RBMS3: variants seen among roughly 807,000 people sequenced by gnomAD.
RBMS3 encodes RNA binding motif single stranded interacting protein 3, also known as RNA-binding motif, single-stranded-interacting protein 3.
RBMS3 carries 27 observed loss-of-function variants against 66.8 expected under a neutral mutation model. The ratio of observed to expected loss-of-function variants is 0.40; its 90% CI spans 0.30 to 0.56. RBMS3 has a LOEUF of 0.56. RBMS3 is among the 20% of genes least tolerant of loss of function. RBMS3 has a pLI of 0.40. For missense variants in RBMS3, 513 were observed against 549.5 expected (o/e 0.93, Z 0.66); for synonymous variants, 188 against 183.0 (o/e 1.03, Z -0.22).
intron 2 of RBMS3, among the ~76,000 whole-genome samples, chr3:29,446,741 A>G (rs1163689398): frequency 2.0e-5 from 3 of 152,170 alleles, no homozygotes; most frequent in Admixed American, 6.5e-5. Flanking sequence ...CATGGTAATC[A>G]TAGTCAACAT....
At chr3:29,293,271 G>A (rs1177007635) in intron 1 of RBMS3, among the ~76,000 whole-genome samples, 2 of 146,040 alleles carry the variant, frequency 1.4e-5, no homozygotes, top group Non-Finnish European at 3.0e-5. Flanking sequence ...CAATGTTGTT[G>A]TTGTTCTGTG....
Position 29,464,815 on chromosome 3 carries a change from G to A in RBMS3, c.249-23626G>A, listed in dbSNP as rs142822039. 2.5e-3 allele frequency among the ~76,000 whole-genome samples: 387 copies of A among 152,262 alleles called. 1 individual carries two copies. Among genetic ancestry groups the A allele is most frequent in the Non-Finnish European group, 4.1e-3 (279 of 68,018 alleles). On this transcript the variant is annotated intron_variant, in intron 2 of 14. Coordinates refer to ENST00000383767, the MANE Select transcript of RBMS3 (RefSeq NM_001003793.3). ...CTTATTCCTAGCTTCCAGCATAGATGTATCCATGACTGCCTTTGTTCCCTC... is the reference window on the plus strand; with the variant it reads ...CTTATTCCTAGCTTCCAGCATAGATATATCCATGACTGCCTTTGTTCCCTC...
chr3:29,810,441 T>C (rs9310917), intron 6 of RBMS3, among the ~76,000 whole-genome samples: 76,754 of 151,988 alleles, frequency 0.51, 20,286 homozygotes, highest in African/African-American at 0.59. Context: ...GAATCTCCTT[T>C]CAGATGACAT....
chr3:29,328,147 T>A (rs2035447088), intron 1 of RBMS3, among the ~76,000 whole-genome samples: 1 of 152,180 alleles, frequency 6.6e-6, no homozygotes, highest in Non-Finnish European at 1.5e-5. Context: ...AGAGTGCCTC[T>A]CCATTTAAAC....
intron 4 of RBMS3, among the ~76,000 whole-genome samples, chr3:29,692,828 T>C (rs1246397018): frequency 1.3e-5 from 2 of 152,212 alleles, no homozygotes; most frequent in Non-Finnish European, 2.9e-5. Context: ...ATAAATTATA[T>C]ATATAATCAT....
intron 10 of RBMS3, among the ~76,000 whole-genome samples, chr3:29,920,257 C>T (rs1246958202): frequency 6.6e-6 from 1 of 152,102 alleles, no homozygotes; most frequent in Non-Finnish European, 1.5e-5. Flanking sequence ...AATTGACCAG[C>T]AAATTTCCTA....
At chr3:29,338,711 C>CCTCTCCTCCTCCTCTCCTCTT (rs2036105673) in intron 1 of RBMS3, among the ~76,000 whole-genome samples, 1 of 130,572 alleles carries the variant, frequency 7.7e-6, no homozygotes, top group Admixed American at 7.7e-5. Flanking sequence ...CCTCTCCTCT[C>CCTCTCCTCCTCCTCTCCTCTT]CTCTCCTCTC....
At chr3:29,959,594 G>A (rs1559838890) in intron 12 of RBMS3, among the ~76,000 whole-genome samples, 1 of 152,018 alleles carries the variant, frequency 6.6e-6, no homozygotes, top group South Asian at 2.1e-4. Flanking sequence ...AACAGTGGGA[G>A]GTATATAAGT....
chr3:29,493,099 A>G (rs1176540345), intron 3 of RBMS3, among the ~76,000 whole-genome samples: 1 of 152,226 alleles, frequency 6.6e-6, no homozygotes, highest in African/African-American at 2.4e-5. Flanking sequence ...TTACTAGGAA[A>G]AAATATAGGA....
intron 4 of RBMS3, among the ~76,000 whole-genome samples, chr3:29,598,792 C>T (rs1033777494): frequency 3.2e-4 from 49 of 152,084 alleles, no homozygotes; most frequent in Non-Finnish European, 2.6e-4. Flanking sequence ...AAAAACATTT[C>T]TCCTATAATA....
At chr3:29,488,930 A>T (rs1436673137) in intron 3 of RBMS3, among the ~76,000 whole-genome samples, 3 of 152,172 alleles carry the variant, frequency 2.0e-5, no homozygotes, top group African/African-American at 7.2e-5. Context: ...TGATGGGCCT[A>T]TTGTATTAAG....
chr3:29,447,559 A>G (rs1183886774), intron 2 of RBMS3, among the ~76,000 whole-genome samples: 2 of 152,198 alleles, frequency 1.3e-5, no homozygotes, highest in Admixed American at 6.5e-5. Context: ...GGATATAGTA[A>G]TGCTACCTCC....
chr3:29,828,099 A>C (rs2058257811), intron 6 of RBMS3, among the ~76,000 whole-genome samples: 2 of 151,998 alleles, frequency 1.3e-5, no homozygotes, highest in African/African-American at 4.8e-5. Flanking sequence ...AGAGAGACAG[A>C]GAGAATGGAG....
chr3:29,329,828 T>C (rs1357674712), intron 1 of RBMS3, among the ~76,000 whole-genome samples: 1 of 148,162 alleles, frequency 6.7e-6, no homozygotes, highest in Non-Finnish European at 1.5e-5. Context: ...ATGTATATTT[T>C]ATAAATCATG....
At chr3:29,791,726 A>G (rs1425503470) in intron 6 of RBMS3, among the ~76,000 whole-genome samples, 2 of 152,204 alleles carry the variant, frequency 1.3e-5, no homozygotes, top group Non-Finnish European at 2.9e-5. Context: ...TTCCTCTTGT[A>G]GAACATCCTG....
At position 29,714,747 on chromosome 3, in the gene RBMS3, TAC is replaced by T. The variant is rs34878958; in HGVS notation, c.400-24943_400-24942del. 5.4e-3 allele frequency among the ~76,000 whole-genome samples: 802 copies of T among 149,048 alleles called. 3 individuals are homozygous for T. The highest frequency in any genetic ancestry group is 0.012 in the African/African-American group (505 of 40,910). ...ATCCACAGATGCATGTGCACACATGTACACACACACACACACACACACACACA... is the reference window on the plus strand; with the variant it reads ...ATCCACAGATGCATGTGCACACATGTACACACACACACACACACACACACA... On this transcript the variant is annotated intron_variant, in intron 4 of 14. Transcript: ENST00000383767.
chr3:29,340,260 A>G (rs757448569), intron 1 of RBMS3, among the ~76,000 whole-genome samples: 1 of 152,148 alleles, frequency 6.6e-6, no homozygotes, highest in East Asian at 1.9e-4. Context: ...GAATTAAACT[A>G]AGAATGGTGT....
intron 4 of RBMS3, among the ~76,000 whole-genome samples, chr3:29,725,381 G>A (rs935448600): frequency 5.3e-5 from 8 of 152,138 alleles, no homozygotes; most frequent in Non-Finnish European, 1.0e-4. Flanking sequence ...CAGAACTGAA[G>A]GAGATAGAGA....
At chr3:29,655,861 G>A (rs2050307496) in intron 4 of RBMS3, among the ~76,000 whole-genome samples, 1 of 151,746 alleles carries the variant, frequency 6.6e-6, no homozygotes, top group South Asian at 2.1e-4. Flanking sequence ...TGTGAATGTG[G>A]AGGACAGTGA....
Sources: allele counts gnomAD v4.1 joint callset (sites outside exome capture counted in the v4.1 genomes callset), GRCh38; gene constraint gnomAD v4.1.1; transcripts MANE v1.5; gene names NCBI Gene and HGNC (gene_info 2026-07-23, HGNC 2026-07-21).